Variants in PCMT1 observed in about 807,000 individuals in gnomAD.
PCMT1 encodes the protein protein-L-isoaspartate(D-aspartate) O-methyltransferase.
In PCMT1, 9 loss-of-function variants were observed where a neutral mutation model predicts 29.2. The observed-to-expected ratio is 0.31, with a 90% CI of 0.19 to 0.54. The LOEUF is 0.54. Among genes scored for constraint, PCMT1 ranks in the 20% least tolerant of loss-of-function variants. The probability of loss-of-function intolerance (pLI) is 0.95; values close to 1 mark genes in which losing one functional copy is unlikely to be tolerated. For missense variants in PCMT1, 184 were observed against 282.2 expected (o/e 0.65, Z 2.49); for synonymous variants, 98 against 97.5 (o/e 1.00, Z -0.03).
At chr6:149,753,980 G>A (rs561230621) in intron 1 of PCMT1, among the ~76,000 whole-genome samples, 1 of 152,310 alleles carries the variant, frequency 6.6e-6, no homozygotes, top group African/African-American at 2.4e-5. Context: ...CTGGTCCAGG[G>A]ACCACATTTT....
intron 5 of PCMT1, among the ~76,000 whole-genome samples, chr6:149,795,901 G>A (rs73779566): frequency 0.014 from 2,085 of 152,248 alleles, 53 homozygotes; most frequent in African/African-American, 0.048. Context: ...TTTCAGTTCC[G>A]TTATCTCCAG....
chr6:149,778,499 G>T (rs1168646508), intron 3 of PCMT1, among the ~76,000 whole-genome samples: 1 of 151,492 alleles, frequency 6.6e-6, no homozygotes, highest in East Asian at 1.9e-4. Context: ...AAAGTGCTGG[G>T]ATTACAGGCC....
At position 149,793,653 on chromosome 6, in the gene PCMT1, G is replaced by T; in HGVS notation, c.402G>T (p.Gly134=). ...RKDDPTLLSS[G]RVQLVVGDGR... ...ACGATCCAACACTTCTGTCTTCAGG[G>T]AGAGTACAGCTTGTTGGTAAGTATC... The change falls in exon 5 of 8, where the codon GGG becomes GGT. Residue 134 remains glycine (G), a synonymous_variant. Transcript: ENST00000464889. 1 of 1,551,956 alleles carries T rather than the reference G, an allele frequency of 6.4e-7. No individual in the cohort carries two copies. Among genetic ancestry groups the T allele is most frequent in the Non-Finnish European group, 8.6e-7 (1 of 1,161,558 alleles).
intron 6 of PCMT1, chr6:149,796,817 TG>T (rs1227436094): frequency 3.6e-5 from 7 of 191,950 alleles, no homozygotes; most frequent in African/African-American, 9.7e-5. Context: ...TTTTGTTTTT[TG>T]TTTTTTGTTT....
Position 149,793,620 on chromosome 6 carries a change from C to A in PCMT1, c.369C>A (p.Val123=). The A allele has an allele frequency of 6.4e-7, 1 of 1,568,692 alleles. No homozygotes were observed. Among genetic ancestry groups the A allele is most frequent in the Admixed American group, 2.0e-5 (1 of 48,850 alleles). ...TAGTAGATGACTCAGTAAATAATGT[C>A]AGGAAGGACGATCCAACACTTCTGT... The part of the protein sequence containing the change: ...KELVDDSVNN[V]RKDDPTLLSS... The change falls in exon 5 of 8, where the codon GTC becomes GTA. Residue 123 remains valine, a synonymous_variant. Coordinates refer to ENST00000464889, the MANE Select transcript of PCMT1 (RefSeq NM_001360452.2).
intron 6 of PCMT1, among the ~76,000 whole-genome samples, chr6:149,801,253 C>A (rs9285525): frequency 2.0e-5 from 3 of 151,952 alleles, no homozygotes; most frequent in Admixed American, 6.6e-5. Flanking sequence ...TACACATAGC[C>A]TGAAGGTAAT....
At chr6:149,798,260 G>A (rs563638258) in intron 6 of PCMT1, 3 of 151,344 alleles carry the variant, frequency 2.0e-5, no homozygotes, top group Admixed American at 2.0e-4. Context: ...AGTCATAAAC[G>A]AACAGCTCAA....
chr6:149,761,030 TG>T (rs1786715620), intron 1 of PCMT1, among the ~76,000 whole-genome samples: 1 of 49,840 alleles, frequency 2.0e-5, no homozygotes. Flanking sequence ...TAAAAAAGTG[TG>T]TGTGTGTGTG....
chr6:149,754,073 TAATGTTTTAGA>T (rs1159207998), intron 1 of PCMT1, among the ~76,000 whole-genome samples: 3 of 152,204 alleles, frequency 2.0e-5, no homozygotes, highest in Non-Finnish European at 4.4e-5. Flanking sequence ...TGCTTTAGAA[TAATGTTTTAGA>T]AAAAGTCTAT....
intron 1 of PCMT1, among the ~76,000 whole-genome samples, chr6:149,767,098 A>T (rs1787116614): frequency 6.6e-6 from 1 of 152,024 alleles, no homozygotes; most frequent in Non-Finnish European, 1.5e-5. Context: ...AATCCCAGCT[A>T]CTTGGGAGGC....
chr6:149,763,248 ATATATCTAT>A (rs1349827070), intron 1 of PCMT1, among the ~76,000 whole-genome samples: 1 of 91,752 alleles, frequency 1.1e-5, no homozygotes, highest in Non-Finnish European at 1.8e-5. Context: ...TCTATGATAT[ATATATCTAT>A]GATATCTATG....
intron 7 of PCMT1, among the ~76,000 whole-genome samples, chr6:149,805,383 G>A (rs1775978119): frequency 6.6e-6 from 1 of 151,820 alleles, no homozygotes; most frequent in African/African-American, 2.4e-5. Context: ...CACAAGGTCA[G>A]GAGATCGAGA....
At position 149,802,197 on chromosome 6, in the gene PCMT1, TAGCTAATAGA is replaced by T; in HGVS notation, c.505-2_512del. 1 of 1,560,036 alleles carries T rather than the reference TAGCTAATAGA, an allele frequency of 6.4e-7. No individual in the cohort carries two copies. The highest frequency in any genetic ancestry group is 2.1e-5 in the Admixed American group (1 of 48,460). On this transcript the variant is annotated splice_acceptor_variant and coding_sequence_variant, in exon 7 of 8. Transcript: ENST00000464889. LOFTEE classifies it high-confidence loss of function. Reference sequence around the variant, plus strand: ...TGTATGTGCTTTTTTTTTTTTCTTTTAGCTAATAGATCAGTTAAAGCCCGGAGGAAGATTG... The same window carrying T: ...TGTATGTGCTTTTTTTTTTTTCTTTTTCAGTTAAAGCCCGGAGGAAGATTG...
intron 1 of PCMT1, among the ~76,000 whole-genome samples, chr6:149,765,156 C>T (rs1247311575): frequency 1.3e-5 from 2 of 150,910 alleles, no homozygotes; most frequent in Non-Finnish European, 3.0e-5. Flanking sequence ...GTCAGGAGAT[C>T]GAGACCATCC....
In PCMT1 at chr6:149,796,418, G is replaced by C. The variant is rs1192817022; in HGVS notation, c.422G>C (p.Gly141Ala). ...LSSGRVQLVV[G>A]DGRMGYAEEA... ...AGCATAGCTGTTTTTCTTTCAGTGGGGGATGGAAGAATGGGATATGCTGAA... is the reference window on the plus strand; with the variant it reads ...AGCATAGCTGTTTTTCTTTCAGTGGCGGATGGAAGAATGGGATATGCTGAA... Residue 141 changes from glycine (G) to alanine (A), a missense_variant, in exon 6 of 8, where the codon GGG becomes GCG. Coordinates refer to ENST00000464889, the MANE Select transcript of PCMT1 (RefSeq NM_001360452.2). 6.2e-7 allele frequency: 1 copy of C among 1,611,224 alleles called. No individual in the cohort carries two copies. The highest frequency in any genetic ancestry group is 1.1e-5 in the South Asian group (1 of 90,680).
intron 1 of PCMT1, among the ~76,000 whole-genome samples, chr6:149,770,429 G>A (rs1787264513): frequency 6.6e-6 from 1 of 152,104 alleles, no homozygotes; most frequent in African/African-American, 2.4e-5. Flanking sequence ...ACCAGGTTGG[G>A]CTGGGCACGG....
chr6:149,769,502 TG>T (rs1233720610), intron 1 of PCMT1, among the ~76,000 whole-genome samples: 1 of 151,360 alleles, frequency 6.6e-6, no homozygotes, highest in Non-Finnish European at 1.5e-5. Context: ...TTAGTAGAGA[TG>T]GGGTTTCACC....
intron 3 of PCMT1, among the ~76,000 whole-genome samples, chr6:149,786,951 T>G (rs1200025221): frequency 8.9e-5 from 12 of 135,552 alleles, no homozygotes; most frequent in African/African-American, 2.8e-4. Flanking sequence ...AGGTTGTAGC[T>G]AGCCGAGATC....
chr6:149,757,531 A>T (rs1786556962), intron 1 of PCMT1, among the ~76,000 whole-genome samples: 1 of 152,154 alleles, frequency 6.6e-6, no homozygotes, highest in East Asian at 1.9e-4. Flanking sequence ...GAAGGGATGG[A>T]GGTGGTTTGG....
Sources: allele counts gnomAD v4.1 joint callset (sites outside exome capture counted in the v4.1 genomes callset), GRCh38; gene constraint gnomAD v4.1.1; transcripts MANE v1.5; gene names NCBI Gene and HGNC (gene_info 2026-07-23, HGNC 2026-07-21).